The following TYW1 variants were observed in gnomAD, a reference collection of about 807,000 sequenced individuals.
TYW1 encodes the protein S-adenosyl-L-methionine-dependent tRNA 4-demethylwyosine synthase TYW1.
Under a neutral mutation model 96.2 loss-of-function variants are expected in TYW1, and 46 were observed. That is an observed-to-expected ratio of 0.48 (90% CI 0.38 to 0.61). The LOEUF is 0.61. Among genes scored for constraint, TYW1 ranks in the 20% least tolerant of loss-of-function variants. The pLI, the probability that TYW1 is intolerant of heterozygous loss-of-function variation, is 0.00. For missense variants in TYW1, 684 were observed against 909.6 expected, an observed-to-expected ratio of 0.75 and a Z score of 3.19; for synonymous variants, 274 against 323.0, an observed-to-expected ratio of 0.85 and a Z score of 1.63.
chr7:67,080,486 A>G (rs941958328), intron 10 of TYW1, among the ~76,000 whole-genome samples: 1 of 151,524 alleles, frequency 6.6e-6, no homozygotes, highest in African/African-American at 2.4e-5. Context: ...GCTCACTGCA[A>G]CTTCCGCCTC....
At chr7:67,033,718 C>T (rs1238585336) in intron 7 of TYW1, among the ~76,000 whole-genome samples, 9 of 146,570 alleles carry the variant, frequency 6.1e-5, no homozygotes, top group Admixed American at 6.9e-5. Context: ...TTTTTTGAGA[C>T]GGAGTCTCGC....
At chr7:67,071,047 C>T (rs996694006) in intron 10 of TYW1, among the ~76,000 whole-genome samples, 1 of 151,804 alleles carries the variant, frequency 6.6e-6, no homozygotes, top group Non-Finnish European at 1.5e-5. Context: ...AGGAGAATGG[C>T]GTGAACCCGG....
At chr7:67,032,768 C>T (rs550168352) in intron 7 of TYW1, among the ~76,000 whole-genome samples, 123 of 152,164 alleles carry the variant, frequency 8.1e-4, no homozygotes, top group African/African-American at 2.9e-3. Flanking sequence ...CTTCCATGAC[C>T]ATCTCCCTGG....
At chr7:67,105,212 G>C (rs1797199036) in intron 12 of TYW1, among the ~76,000 whole-genome samples, 1 of 152,192 alleles carries the variant, frequency 6.6e-6, no homozygotes, top group Non-Finnish European at 1.5e-5. Context: ...AGATCTACAG[G>C]GCAGGGGCAC....
chr7:67,051,259 C>G (rs558948867), intron 8 of TYW1, among the ~76,000 whole-genome samples: 1 of 152,200 alleles, frequency 6.6e-6, no homozygotes, highest in Non-Finnish European at 1.5e-5. Context: ...ACTATACTTC[C>G]ATTATTTCTT....
intron 15 of TYW1, among the ~76,000 whole-genome samples, chr7:67,230,739 A>G (rs1339226899): frequency 3.6e-5 from 5 of 140,206 alleles, no homozygotes; most frequent in Non-Finnish European, 3.0e-5. Flanking sequence ...TGCAACCTCT[A>G]CCTCCCGGGT....
Position 67,195,263 on chromosome 7 carries a change from G to T in TYW1, c.1903G>T (p.Val635Leu). 2 of 1,604,110 alleles carry T rather than the reference G, an allele frequency of 1.2e-6. No individual in the cohort carries two copies. The highest frequency in any genetic ancestry group is 2.7e-5 in the African/African-American group (2 of 73,432). The change falls in exon 15 of 16, where the codon GTG becomes TTG. Residue 635 changes from valine (V) to leucine (L), a missense_variant. Coordinates refer to ENST00000359626, the MANE Select transcript of TYW1 (RefSeq NM_018264.4). ...AGTGGTACAGTTTGTCCACGAGTTG[G>T]TGGATCTGATCCCCGAATATGAAAT... Reference protein sequence around the residue: ...EEVVQFVHELVDLIPEYEIAC... With the variant: ...EEVVQFVHELLDLIPEYEIAC...
intron 4 of TYW1, among the ~76,000 whole-genome samples, chr7:67,009,990 T>C (rs1204654107): frequency 2.0e-5 from 3 of 150,226 alleles, no homozygotes; most frequent in Non-Finnish European, 4.5e-5. Flanking sequence ...CTTTTCTTTT[T>C]TTTTTTTTTT....
chr7:67,230,771 G>C (rs1801730044), intron 15 of TYW1, among the ~76,000 whole-genome samples: 1 of 149,626 alleles, frequency 6.7e-6, no homozygotes, highest in Non-Finnish European at 1.5e-5. Flanking sequence ...TCCTGCTTTA[G>C]CCTCCTGGGT....
intron 3 of TYW1, among the ~76,000 whole-genome samples, chr7:67,000,265 T>A (rs1392300834): frequency 6.6e-6 from 1 of 152,012 alleles, no homozygotes; most frequent in East Asian, 1.9e-4. Context: ...AGATGCTACC[T>A]GTTTCTGTGT....
At chr7:67,071,842 A>C (rs3980722) in intron 10 of TYW1, among the ~76,000 whole-genome samples, 1 of 150,958 alleles carries the variant, frequency 6.6e-6, no homozygotes, top group African/African-American at 2.4e-5. Flanking sequence ...GACTGGTCTC[A>C]AACTCCTGGC....
chr7:67,068,264 C>T (rs546384476), intron 10 of TYW1, among the ~76,000 whole-genome samples: 14 of 152,100 alleles, frequency 9.2e-5, no homozygotes, highest in African/African-American at 2.9e-4. Flanking sequence ...TCAGGTGATC[C>T]GCCCGCCTTG....
chr7:67,230,705 T>G (rs1389202695), intron 15 of TYW1, among the ~76,000 whole-genome samples: 2 of 140,996 alleles, frequency 1.4e-5, no homozygotes, highest in Non-Finnish European at 3.0e-5. Flanking sequence ...CAGGCTGGAG[T>G]GCAGTGGCGC....
At chr7:67,163,594 T>C (rs765950061) in intron 13 of TYW1, among the ~76,000 whole-genome samples, 8 of 152,148 alleles carry the variant, frequency 5.3e-5, no homozygotes, top group Admixed American at 1.3e-4. Flanking sequence ...ATGTGCATGA[T>C]CTTCTTAGGT....
rs371534181 is a variant in TYW1 at position 66,998,950 on chromosome 7, C to G, written c.269C>G (p.Ala90Gly). 2.5e-5 allele frequency: 41 copies of G among 1,613,482 alleles called. No homozygotes were observed. The highest frequency in any genetic ancestry group is 3.5e-5 in the Non-Finnish European group (41 of 1,179,936). The stretch of plus-strand genomic sequence containing the variant: ...TTTTATGGTTCTCAGACTGGAACAG[C>G]GAAGGTAAGAAATTTATATGATGCT... ...KIFYGSQTGT[A>G]KGFATVLAEA... Residue 90 changes from alanine (A) to glycine (G), a missense_variant, in exon 3 of 16, where the codon GCG (alanine) becomes GGG (glycine). Transcript: ENST00000359626.
At chr7:67,104,685 C>T (rs1343292900) in intron 12 of TYW1, among the ~76,000 whole-genome samples, 1 of 152,160 alleles carries the variant, frequency 6.6e-6, no homozygotes, top group Non-Finnish European at 1.5e-5. Context: ...TAGAAGCAAA[C>T]ACCTTAGGCA....
chr7:67,144,540 C>G (rs1281167733), intron 13 of TYW1, among the ~76,000 whole-genome samples: 1 of 152,178 alleles, frequency 6.6e-6, no homozygotes, highest in Non-Finnish European at 1.5e-5. Context: ...GGCATGATCT[C>G]AGCTCACTGC....
In TYW1 at chr7:67,184,656, ATG is replaced by A. The variant is rs1799960248; in HGVS notation, c.1809+1422_1809+1423del. 4.2e-5 allele frequency among the ~76,000 whole-genome samples: 2 copies of A among 47,170 alleles called. 1 individual carries two copies. Among genetic ancestry groups the A allele is most frequent in the African/African-American group, 2.7e-4 (2 of 7,462 alleles). 30.9% of individuals were successfully genotyped at this position (47,170 alleles called of 152,430 possible). A position where few individuals can be genotyped will look rare whatever the true frequency, so the allele number is the denominator to read the frequency against. The stretch of plus-strand genomic sequence containing the variant: ...TATTTTATTTTATTTTATTTATGTT[ATG>A]TTATGTTATGTTATGTTATGTTATG... On this transcript the variant is annotated intron_variant, in intron 14 of 15. Coordinates refer to ENST00000359626, the MANE Select transcript of TYW1 (RefSeq NM_018264.4).
chr7:67,193,632 G>A (rs1429106471), intron 14 of TYW1, among the ~76,000 whole-genome samples: 1 of 152,014 alleles, frequency 6.6e-6, no homozygotes, highest in African/African-American at 2.4e-5. Context: ...GGTGGCACGT[G>A]CCTGTATTCC....
Sources: gnomAD v4.1 joint callset for allele counts (sites outside exome capture counted in the v4.1 genomes callset) on GRCh38, gnomAD v4.1.1 for gene constraint, MANE v1.5 for transcripts, NCBI Gene and HGNC (gene_info 2026-07-23, HGNC 2026-07-21) for gene names.